Variants in HCRTR2 observed in about 807,000 individuals in gnomAD.
HCRTR2 encodes hypocretin receptor 2.
Under a neutral mutation model 49.0 loss-of-function variants are expected in HCRTR2, and 22 were observed. The observed-to-expected ratio is 0.45, with a 90% CI of 0.32 to 0.64. The LOEUF is 0.64. Among genes scored for constraint, HCRTR2 ranks in the 30% least tolerant of loss-of-function variants. The pLI, the probability that HCRTR2 is intolerant of heterozygous loss-of-function variation, is 0.04. For missense variants in HCRTR2, 491 were observed against 559.4 expected, an observed-to-expected ratio of 0.88 and a Z score of 1.23; for synonymous variants, 236 against 205.3, an observed-to-expected ratio of 1.15 and a Z score of -1.28.
At chr6:55,151,519 CTTCTAA>C (rs1561988133) in intron 1 of HCRTR2, among the ~76,000 whole-genome samples, 1 of 151,988 alleles carries the variant, frequency 6.6e-6, no homozygotes, top group South Asian at 2.1e-4. Context: ...TCAGGCTCCA[CTTCTAA>C]TTCTATTTCT....
intron 1 of HCRTR2, among the ~76,000 whole-genome samples, chr6:55,139,343 C>G (rs1764476707): frequency 6.6e-6 from 1 of 152,092 alleles, no homozygotes; most frequent in Non-Finnish European, 1.5e-5. Context: ...AATTAGTGCA[C>G]ACACAGGGAC....
intron 1 of HCRTR2, among the ~76,000 whole-genome samples, chr6:55,229,782 T>C (rs547493284): frequency 6.6e-6 from 1 of 152,250 alleles, no homozygotes; most frequent in African/African-American, 2.4e-5. Flanking sequence ...GTTTGAATTA[T>C]GAAAAAATGA....
At chr6:55,262,253 C>G (rs1766771791) in intron 3 of HCRTR2, among the ~76,000 whole-genome samples, 1 of 148,482 alleles carries the variant, frequency 6.7e-6, no homozygotes, top group African/African-American at 2.5e-5. Flanking sequence ...TCCCCAAAAC[C>G]TATCGGAATA....
At chr6:55,125,302 G>A (rs1000305773) in intron 1 of HCRTR2, among the ~76,000 whole-genome samples, 2 of 152,232 alleles carry the variant, frequency 1.3e-5, no homozygotes, top group African/African-American at 2.4e-5. Flanking sequence ...TTGTAAGGCA[G>A]GTCTGGTGGT....
At chr6:55,254,689 T>C (rs1031343461) in intron 2 of HCRTR2, among the ~76,000 whole-genome samples, 3 of 151,998 alleles carry the variant, frequency 2.0e-5, no homozygotes, top group Non-Finnish European at 2.9e-5. Flanking sequence ...CAATCAAATT[T>C]CTATGTGGTA....
intron 2 of HCRTR2, among the ~76,000 whole-genome samples, chr6:55,252,842 G>C (rs1323820554): frequency 1.3e-5 from 2 of 152,030 alleles, no homozygotes; most frequent in East Asian, 1.9e-4. Context: ...TCAGACTCAA[G>C]AATGAAAGAT....
chr6:55,187,689 T>C (rs1427917432), intron 1 of HCRTR2, among the ~76,000 whole-genome samples: 3 of 146,830 alleles, frequency 2.0e-5, no homozygotes, highest in African/African-American at 7.6e-5. Context: ...GATCTTTTTT[T>C]TTTTTTTTTT....
At chr6:55,248,610 G>A in intron 1 of HCRTR2, 29 bp from the exon 2 acceptor site, 1 of 1,585,156 alleles carries the variant, frequency 6.3e-7, no homozygotes, top group Non-Finnish European at 8.7e-7. Flanking sequence ...TCTTTGTTGA[G>A]TGCCTATTCC....
intron 1 of HCRTR2, among the ~76,000 whole-genome samples, chr6:55,208,319 TAAAAAAATAAA>T (rs1765638440): frequency 7.9e-6 from 1 of 126,736 alleles, no homozygotes; most frequent in Non-Finnish European, 1.7e-5. Context: ...CTACGAAAAA[TAAAAAAATAAA>T]AAAAAAAAAA....
intron 1 of HCRTR2, among the ~76,000 whole-genome samples, chr6:55,134,841 T>C (rs560378098): frequency 6.6e-6 from 1 of 152,152 alleles, no homozygotes; most frequent in Non-Finnish European, 1.5e-5. Context: ...TAATATTTCA[T>C]TCTCTCTCTC....
At chr6:55,186,727 C>T (rs2127275823) in intron 1 of HCRTR2, among the ~76,000 whole-genome samples, 1 of 152,232 alleles carries the variant, frequency 6.6e-6, no homozygotes, top group Non-Finnish European at 1.5e-5. Context: ...AACTGTGTCC[C>T]AAATGAGGTG....
At chr6:55,282,201 C>G in intron 6 of HCRTR2, 24 bp from the exon 7 acceptor site, 1 of 1,537,928 alleles carries the variant, frequency 6.5e-7, no homozygotes, top group Non-Finnish European at 9.0e-7. Context: ...AATTCCTTTT[C>G]CTTTCATTCT....
At chr6:55,244,952 T>C (rs1261227869) in intron 1 of HCRTR2, among the ~76,000 whole-genome samples, 3 of 152,090 alleles carry the variant, frequency 2.0e-5, no homozygotes, top group Non-Finnish European at 2.9e-5. Flanking sequence ...GTTGAGTTTG[T>C]TGAAGATAAA....
chr6:55,199,068 C>G (rs1415841407), intron 1 of HCRTR2, among the ~76,000 whole-genome samples: 1 of 152,070 alleles, frequency 6.6e-6, no homozygotes. Flanking sequence ...ACTGGGTACA[C>G]TAATATGAAG....
At chr6:55,233,801 A>T (rs4340990) in intron 1 of HCRTR2, among the ~76,000 whole-genome samples, 9,464 of 152,290 alleles carry the variant, frequency 0.062, 438 homozygotes, top group African/African-American at 0.13. Context: ...TTGAAACTAT[A>T]TTCAAAAATA....
rs371850736 is a variant in HCRTR2 at position 55,142,219 on chromosome 6, C to T, written c.-377-31992C>T. ...AAAAAAAATTTTTTTTTTTTTGAGA[C>T]GGAGTCTTGCTCTGTCGCCCAGGCT... On this transcript the variant is annotated intron_variant, in intron 1 of 7. Transcript: ENST00000615358. Among the ~76,000 whole-genome samples the T allele has an allele frequency of 6.6e-4, 100 of 151,228 alleles. 1 individual carries two copies. The East Asian group carries it at 0.017, about 26-fold the overall frequency.
upstream of HCRTR2, among the ~76,000 whole-genome samples, chr6:55,170,829 G>A (rs936721123): frequency 7.5e-5 from 11 of 146,286 alleles, no homozygotes; most frequent in South Asian, 4.3e-4. Context: ...GAGAACATAC[G>A]GTGTTTGGTT....
intron 1 of HCRTR2, among the ~76,000 whole-genome samples, chr6:55,244,696 A>C (rs1766397310): frequency 6.6e-6 from 1 of 152,054 alleles, no homozygotes; most frequent in South Asian, 2.1e-4. Flanking sequence ...TGTGTAACAC[A>C]AATTTAGAGA....
intron 1 of HCRTR2, among the ~76,000 whole-genome samples, chr6:55,120,516 C>T (rs1206672142): frequency 1.3e-5 from 2 of 151,556 alleles, no homozygotes; most frequent in Non-Finnish European, 2.9e-5. Flanking sequence ...CTCTTTGTAG[C>T]AGTCGTGAAT....
Sources: allele counts gnomAD v4.1 joint callset (sites outside exome capture counted in the v4.1 genomes callset), GRCh38; gene constraint gnomAD v4.1.1; transcripts MANE v1.5; gene names NCBI Gene and HGNC (gene_info 2026-07-23, HGNC 2026-07-21).